ARAP1: variants seen among roughly 807,000 people sequenced by gnomAD.
ARAP1 encodes the protein ArfGAP with RhoGAP domain, ankyrin repeat and PH domain 1.
ARAP1 carries 76 observed loss-of-function variants against 172.2 expected under a neutral mutation model. That is an observed-to-expected ratio of 0.44 (90% CI 0.37 to 0.53). The LOEUF (loss-of-function observed/expected upper bound fraction) is 0.53, where lower values mean the gene tolerates loss of function less well. ARAP1 is among the 20% of genes least tolerant of loss of function. The pLI is 0.00. For missense variants in ARAP1, 1,686 were observed against 1,977.5 expected, an observed-to-expected ratio of 0.85 and a Z score of 2.80; for synonymous variants, 804 against 803.3, an observed-to-expected ratio of 1.00 and a Z score of -0.01.
chr11:72,710,169 G>A lies in ARAP1; in HGVS notation c.1417-193C>T, dbSNP rs2135538457. Among the ~76,000 whole-genome samples, 1 of 152,088 alleles carries A rather than the reference G, an allele frequency of 6.6e-6. No individual in the cohort carries two copies. Among genetic ancestry groups the A allele is most frequent in the Middle Eastern group, 3.4e-3 (1 of 294 alleles). ...AGGGCCCACACAGCAATGAACAGAG[G>A]TGCGGGGGAGCAAGGGCCAGGGCAG... is the stretch of plus-strand genomic sequence containing the variant. On this transcript the variant is annotated intron_variant, in intron 10 of 34. Coordinates refer to ENST00000393609, the MANE Select transcript of ARAP1 (RefSeq NM_001040118.3). This position sits in a 1 kb window ranked among gnomAD's most constrained non-coding sequence, Gnocchi z 4.3.
chr11:72,712,238 G>T lies in ARAP1; in HGVS notation c.980C>A (p.Pro327Gln). 6.2e-7 allele frequency: 1 copy of T among 1,608,232 alleles called. No individual in the cohort carries two copies. Among genetic ancestry groups the T allele is most frequent in the Middle Eastern group, 1.8e-4 (1 of 5,602 alleles). Residue 327 changes from proline to glutamine, a missense_variant, in exon 7 of 35, where the codon CCA (proline) becomes CAA (glutamine). This residue lies in a region of ARAP1 where 688 missense variants were observed against 856.9 expected (regional missense o/e 0.80). Transcript: ENST00000393609. Reference protein sequence around the residue: ...GPPGGSTPVTPVIKAGWLDKN... With the variant: ...GPPGGSTPVTQVIKAGWLDKN... Reference sequence around the variant, plus strand: ...GTCCAGCCAGCCAGCCTTGATGACTGGTGTGACGGGGGTGGAGCCCCCAGG... The same window carrying T: ...GTCCAGCCAGCCAGCCTTGATGACTTGTGTGACGGGGGTGGAGCCCCCAGG...
chr11:72,707,869 A>G (rs530579811), intron 11 of ARAP1, among the ~76,000 whole-genome samples: 14 of 152,178 alleles, frequency 9.2e-5, no homozygotes, highest in African/African-American at 3.4e-4. Flanking sequence ...GGGTTTAAGT[A>G]GGAAGGAGGG....
At chr11:72,735,553 G>A (rs1019068746) in intron 1 of ARAP1, among the ~76,000 whole-genome samples, 1 of 152,126 alleles carries the variant, frequency 6.6e-6, no homozygotes, top group Admixed American at 6.5e-5. Flanking sequence ...CTGAGATCGT[G>A]CCATTGCACT....
chr11:72,746,349 C>A (rs570806759), intron 1 of ARAP1, among the ~76,000 whole-genome samples: 1 of 152,252 alleles, frequency 6.6e-6, no homozygotes, highest in East Asian at 1.9e-4. Flanking sequence ...CAGGGAGCAC[C>A]CGGCACCTGG....
rs778521330 is a variant in ARAP1 at position 72,712,970 on chromosome 11, C to T, written c.747+206G>A. ...CACATACAGCCAGGGCCTGGGGGAGCCACACCAGAGCCCCGACCCCTGGCC... is the reference window on the plus strand; with the variant it reads ...CACATACAGCCAGGGCCTGGGGGAGTCACACCAGAGCCCCGACCCCTGGCC... On this transcript the variant is annotated intron_variant, in intron 5 of 34. Transcript: ENST00000393609. The T allele has an allele frequency of 8.0e-6, 5 of 624,714 alleles. No homozygotes were observed. The East Asian group carries it at 1.4e-4, about 17-fold the overall frequency. The allele number at this position is 624,714 out of a possible 1,614,324, so 38.7% of individuals were successfully genotyped here.
At chr11:72,736,371 T>G in intron 1 of ARAP1, among the ~76,000 whole-genome samples, 1 of 151,516 alleles carries the variant, frequency 6.6e-6, no homozygotes, top group East Asian at 1.9e-4. Flanking sequence ...CCCTCCCCAG[T>G]AGCGGGGACC....
At chr11:72,711,253 C>A in intron 8 of ARAP1, 112 bp from the exon 9 acceptor site, 1 of 1,530,972 alleles carries the variant, frequency 6.5e-7, no homozygotes, top group South Asian at 1.2e-5. Context: ...AGAGACAAGA[C>A]CCTGTGCTGA....
chr11:72,704,591 G>A, intron 13 of ARAP1: 1 of 456,490 alleles, frequency 2.2e-6, no homozygotes, highest in Non-Finnish European at 3.9e-6. Flanking sequence ...GGATGCCTCA[G>A]GCCTTGCACC....
Position 72,693,848 on chromosome 11 carries a change from C to A in ARAP1, c.3695-43G>T, listed in dbSNP as rs79145843. 1.3e-6 allele frequency: 2 copies of A among 1,502,104 alleles called. No individual in the cohort carries two copies. Among genetic ancestry groups the A allele is most frequent in the East Asian group, 2.5e-5 (1 of 40,814 alleles). 93.0% of individuals were successfully genotyped at this position (1,502,104 alleles called of 1,614,324 possible). A position where few individuals can be genotyped will look rare whatever the true frequency, so the allele number is the denominator to read the frequency against. On this transcript the variant is annotated intron_variant, in intron 27 of 34. Transcript: ENST00000393609. This position sits in a 1 kb window ranked among gnomAD's most constrained non-coding sequence, Gnocchi z 4.6. Reference sequence around the variant, plus strand: ...CTACCGTCACTGGGACCACATGGCCCGATACCACCAAAGGCTGGCAGATGG... The same window carrying A: ...CTACCGTCACTGGGACCACATGGCCAGATACCACCAAAGGCTGGCAGATGG...
At chr11:72,738,659 A>G (rs1858108780) in intron 1 of ARAP1, among the ~76,000 whole-genome samples, 2 of 152,024 alleles carry the variant, frequency 1.3e-5, no homozygotes, top group Non-Finnish European at 2.9e-5. Flanking sequence ...TCCAGACCTC[A>G]GGAAACTCCT....
intron 2 of ARAP1, among the ~76,000 whole-genome samples, chr11:72,732,264 C>T (rs567033029): frequency 1.3e-5 from 2 of 152,310 alleles, no homozygotes; most frequent in South Asian, 4.1e-4. Context: ...TAAACACAGA[C>T]CTGCAATTCA....
chr11:72,726,637 G>T lies in ARAP1; in HGVS notation c.492C>A (p.Pro164=). ...SVPPVPPRTG[P]PRLLVSLPTK... is the part of the protein sequence containing the mutation. ...CCACTCACCTCACCAGCAGGCGGGG[G>T]GGTCCGGTGCGGGGCGGCACGGGTG... The change falls in exon 3 of 35, where the codon CCC becomes CCA. Residue 164 remains proline, a synonymous_variant. Coordinates refer to ENST00000393609, the MANE Select transcript of ARAP1 (RefSeq NM_001040118.3). This position sits in a 1 kb window ranked among gnomAD's most constrained non-coding sequence, Gnocchi z 6.5. 2.0e-6 allele frequency: 3 copies of T among 1,519,056 alleles called. No homozygotes were observed. The highest frequency in any genetic ancestry group is 2.7e-6 in the Non-Finnish European group (3 of 1,131,900). The allele number at this position is 1,519,056 out of a possible 1,614,324, so 94.1% of individuals were successfully genotyped here. A position where few individuals can be genotyped will look rare whatever the true frequency, so the allele number is the denominator to read the frequency against.
intron 2 of ARAP1, among the ~76,000 whole-genome samples, chr11:72,731,159 G>C (rs566620544): frequency 6.6e-6 from 1 of 152,320 alleles, no homozygotes; most frequent in South Asian, 2.1e-4. Context: ...TGAAGGGACA[G>C]GAGGGAACAG....
chr11:72,688,395 C>A, intron 31 of ARAP1, 60 bp downstream of exon 31: 1 of 1,486,982 alleles, frequency 6.7e-7, no homozygotes, highest in Non-Finnish European at 9.3e-7. Context: ...GTGCCTCCCC[C>A]ATCAGTTCTG....
chr11:72,747,594 G>A (rs527893240), intron 1 of ARAP1, among the ~76,000 whole-genome samples: 7 of 152,350 alleles, frequency 4.6e-5, no homozygotes, highest in Middle Eastern at 3.4e-3. Flanking sequence ...CCCTGCCGGG[G>A]TTCCAGGGCC....
At chr11:72,722,823 AC>A (rs1263077505) in intron 3 of ARAP1, among the ~76,000 whole-genome samples, 1 of 151,640 alleles carries the variant, frequency 6.6e-6, no homozygotes, top group African/African-American at 2.4e-5. Flanking sequence ...ATCAGAAACG[AC>A]CCCTCTGCCA....
chr11:72,745,500 G>C (rs370928828), intron 1 of ARAP1, among the ~76,000 whole-genome samples: 1 of 151,682 alleles, frequency 6.6e-6, no homozygotes, highest in East Asian at 1.9e-4. Flanking sequence ...CACCATGCCT[G>C]GCCACCCGAG....
chr11:72,697,354 C>T lies in ARAP1; in HGVS notation c.2922G>A (p.Val974=). ...GCGTGATGTAGTCCACACAGCGGTA[C>T]ACGATCACCGGGATATCCGAGTCCC... ...QLGDSDIPVI[V]YRCVDYITQC... Residue 974 remains valine (V), a synonymous_variant, in exon 21 of 35, where the codon GTG becomes GTA. Transcript: ENST00000393609. 1 of 1,601,152 alleles carries T rather than the reference C, an allele frequency of 6.2e-7. No individual in the cohort carries two copies. Among genetic ancestry groups the T allele is most frequent in the South Asian group, 1.1e-5 (1 of 89,646 alleles).
intron 30 of ARAP1, chr11:72,688,791 G>C (rs531953467): frequency 4.4e-6 from 2 of 452,034 alleles, no homozygotes; most frequent in African/African-American, 4.0e-5. Flanking sequence ...CTCCGAGGCA[G>C]CCGTCCCAAC....
Sources: gnomAD v4.1 joint callset for allele counts (sites outside exome capture counted in the v4.1 genomes callset) on GRCh38, gnomAD v4.1.1 for gene constraint, gnomAD v4.1.1 regional missense constraint, Gnocchi (gnomAD v3.1) non-coding constraint, MANE v1.5 for transcripts, NCBI Gene and HGNC (gene_info 2026-07-23, HGNC 2026-07-21) for gene names.